The following PTPRG variants were observed in gnomAD, a reference collection of about 807,000 sequenced individuals.
PTPRG encodes protein tyrosine phosphatase receptor type G, also known as receptor-type tyrosine-protein phosphatase gamma.
PTPRG carries 102 observed loss-of-function variants against 165.3 expected under a neutral mutation model. That is an observed-to-expected ratio of 0.62 (90% CI 0.53 to 0.73). The LOEUF (loss-of-function observed/expected upper bound fraction) is 0.73, where lower values mean the gene tolerates loss of function less well. PTPRG is among the 30% of genes least tolerant of loss of function. The pLI, the probability that PTPRG is intolerant of heterozygous loss-of-function variation, is 0.00. For missense variants in PTPRG, 1,866 were observed against 1,861.4 expected (o/e 1.00, Z -0.05); for synonymous variants, 675 against 669.5 (o/e 1.01, Z -0.13).
At chr3:61,966,480 C>T (rs186532920) in intron 2 of PTPRG, among the ~76,000 whole-genome samples, 196 of 152,250 alleles carry the variant, frequency 1.3e-3, no homozygotes, top group Non-Finnish European at 1.7e-3. Flanking sequence ...CATTGTTTTA[C>T]AATGGGGTGT....
intron 2 of PTPRG, among the ~76,000 whole-genome samples, chr3:61,817,629 C>T (rs1474249303): frequency 6.6e-6 from 1 of 152,124 alleles, no homozygotes; most frequent in Non-Finnish European, 1.5e-5. Context: ...GGACAAACCA[C>T]CTACAGCTAC....
chr3:61,743,691 C>T (rs973651919), intron 1 of PTPRG, among the ~76,000 whole-genome samples: 4 of 152,180 alleles, frequency 2.6e-5, no homozygotes, highest in Non-Finnish European at 1.5e-5. Flanking sequence ...AACGACTTCC[C>T]CTCCATAAAC....
At chr3:62,112,060 C>G (rs985277162) in intron 5 of PTPRG, among the ~76,000 whole-genome samples, 4 of 152,012 alleles carry the variant, frequency 2.6e-5, no homozygotes, top group African/African-American at 9.7e-5. Flanking sequence ...ACCAGAAACA[C>G]CATGGCCCCA....
Position 62,069,682 on chromosome 3 carries a change from T to TCACA in PTPRG, c.520-8480_520-8479insACAC, listed in dbSNP as rs1315675844. On this transcript the variant is annotated intron_variant, in intron 4 of 29. Coordinates refer to ENST00000474889, the MANE Select transcript of PTPRG (RefSeq NM_002841.4). ...CTCTCTCTCTCTCTCTCTCTCTCTC[T>TCACA]CTCACACACAGACACACGCACACAC... Among the ~76,000 whole-genome samples the TCACA allele has an allele frequency of 1.0e-3, 146 of 144,240 alleles. 1 individual carries two copies. The highest frequency in any genetic ancestry group is 8.7e-3 in the East Asian group (38 of 4,352). 94.6% of individuals were successfully genotyped at this position (144,240 alleles called of 152,430 possible).
intron 4 of PTPRG, among the ~76,000 whole-genome samples, 161 bp from the exon 5 acceptor site, chr3:62,078,002 A>C (rs1045578696): frequency 6.6e-6 from 1 of 151,900 alleles, no homozygotes; most frequent in African/African-American, 2.4e-5. Flanking sequence ...TATCTCAAAA[A>C]AAAAAAAAAA....
intron 2 of PTPRG, among the ~76,000 whole-genome samples, chr3:61,945,615 C>T (rs1418377218): frequency 7.0e-6 from 1 of 143,686 alleles, no homozygotes; most frequent in East Asian, 2.0e-4. Context: ...TGGAGGTGAG[C>T]TGGAAGATTG....
At chr3:62,101,389 G>T (rs1702285262) in intron 5 of PTPRG, among the ~76,000 whole-genome samples, 1 of 152,206 alleles carries the variant, frequency 6.6e-6, no homozygotes, top group East Asian at 1.9e-4. Context: ...CCATCACATT[G>T]TGTGCATACG....
intron 2 of PTPRG, among the ~76,000 whole-genome samples, chr3:61,761,124 G>A (rs1053230908): frequency 6.6e-6 from 1 of 152,180 alleles, no homozygotes; most frequent in East Asian, 1.9e-4. Context: ...CCATTAATGG[G>A]ATTGCTGGGT....
At chr3:62,040,441 C>G (rs997042873) in intron 4 of PTPRG, among the ~76,000 whole-genome samples, 2 of 152,128 alleles carry the variant, frequency 1.3e-5, no homozygotes, top group African/African-American at 2.4e-5. Context: ...AGAGTTTATT[C>G]GAAGTTGCAC....
rs759084202 is a variant in PTPRG, at chr3:62,218,888, T to C, written c.2193T>C (p.Ala731=). The C allele has an allele frequency of 1.2e-6, 2 of 1,614,004 alleles. No individual in the cohort carries two copies. The highest frequency in any genetic ancestry group is 2.2e-5 in the East Asian group (1 of 44,872). Residue 731 remains alanine (A), a synonymous_variant, in exon 13 of 30, where the codon GCT becomes GCC. Transcript: ENST00000474889. ...KNTSGMISRP[A]PGRMEWIIPL... ...CCTCTGGAATGATAAGCCGCCCTGC[T>C]CCAGGGAGGATGGAGTGGATCATCC...
At chr3:61,702,552 A>G (rs781019280) in intron 1 of PTPRG, among the ~76,000 whole-genome samples, 12 of 152,220 alleles carry the variant, frequency 7.9e-5, no homozygotes, top group Non-Finnish European at 1.3e-4. Flanking sequence ...GGCACAGTAA[A>G]TTGTACAAAT....
chr3:61,622,667 C>A lies in PTPRG; in HGVS notation c.85+60295C>A, dbSNP rs556336341. 1.5e-4 allele frequency among the ~76,000 whole-genome samples: 23 copies of A among 152,230 alleles called. 1 individual carries two copies. The East Asian group carries it at 3.7e-3, about 24-fold the overall frequency. On this transcript the variant is annotated intron_variant, in intron 1 of 29. Transcript: ENST00000474889. Reference sequence around the variant, plus strand: ...ATAATTGCAAATCCTTATAACTGAACAAGGTAAAACTTTTCGTGTCTTTTG... The same window carrying A: ...ATAATTGCAAATCCTTATAACTGAAAAAGGTAAAACTTTTCGTGTCTTTTG...
intron 4 of PTPRG, among the ~76,000 whole-genome samples, chr3:62,021,712 G>A (rs2041695202): frequency 6.6e-6 from 1 of 152,118 alleles, no homozygotes; most frequent in South Asian, 2.1e-4. Flanking sequence ...ATTATGTGAT[G>A]TAGCTTTATA....
chr3:61,843,446 G>T (rs1293040412), intron 2 of PTPRG, among the ~76,000 whole-genome samples: 4 of 152,072 alleles, frequency 2.6e-5, no homozygotes, highest in Non-Finnish European at 4.4e-5. Flanking sequence ...TGAATACAAT[G>T]TAAGATAGTA....
chr3:62,185,566 C>T (rs376985733), intron 8 of PTPRG, among the ~76,000 whole-genome samples: 2 of 151,750 alleles, frequency 1.3e-5, no homozygotes, highest in East Asian at 1.9e-4. Context: ...GCAGAGGCAA[C>T]GGGGAGTGGT....
intron 4 of PTPRG, among the ~76,000 whole-genome samples, chr3:62,074,352 C>CT (rs200189646): frequency 0.028 from 3,019 of 108,936 alleles, 108 homozygotes; most frequent in East Asian, 0.06. Flanking sequence ...TCTTTTCTTT[C>CT]TTTTTTTTTT....
At chr3:61,891,290 A>G (rs2038207728) in intron 2 of PTPRG, among the ~76,000 whole-genome samples, 1 of 152,122 alleles carries the variant, frequency 6.6e-6, no homozygotes, top group Non-Finnish European at 1.5e-5. Context: ...GCGAGACTCC[A>G]TCTCCAAAAA....
chr3:62,043,316 T>G (rs1700185127), intron 4 of PTPRG, among the ~76,000 whole-genome samples: 1 of 152,250 alleles, frequency 6.6e-6, no homozygotes. Context: ...ATTTTCTCTT[T>G]CCAGCTGCAC....
chr3:62,040,399 A>G (rs1700088337), intron 4 of PTPRG, among the ~76,000 whole-genome samples: 1 of 152,208 alleles, frequency 6.6e-6, no homozygotes, highest in Non-Finnish European at 1.5e-5. Flanking sequence ...GAAGCTCTCT[A>G]AGACAGTACA....
Sources: gnomAD v4.1 joint callset for allele counts (sites outside exome capture counted in the v4.1 genomes callset) on GRCh38, gnomAD v4.1.1 for gene constraint, MANE v1.5 for transcripts, NCBI Gene and HGNC (gene_info 2026-07-23, HGNC 2026-07-21) for gene names.